Variants in ALG3 observed in about 807,000 individuals in gnomAD.
The protein encoded by ALG3 is dol-P-Man:Man(5)GlcNAc(2)-PP-Dol alpha-1,3-mannosyltransferase.
In ALG3, 39 loss-of-function variants were observed where a neutral mutation model predicts 50.5. That is an observed-to-expected ratio of 0.77 (90% CI 0.60 to 1.01). The LOEUF is 1.01. ALG3 is among the 50% of genes least tolerant of loss of function. The pLI, the probability that ALG3 is intolerant of heterozygous loss-of-function variation, is 0.00. For synonymous variants in ALG3, 252 were observed against 237.2 expected, an observed-to-expected ratio of 1.06 and a Z score of -0.58; for missense variants, 520 against 554.8, an observed-to-expected ratio of 0.94 and a Z score of 0.63.
At chr3:184,245,141 T>C in intron 4 of ALG3, 57 bp downstream of exon 4, 1 of 1,601,362 alleles carries the variant, frequency 6.2e-7, no homozygotes, top group Non-Finnish European at 8.5e-7. Flanking sequence ...TGCAGGAAAT[T>C]GGGAAGAGAT....
upstream of ALG3, chr3:184,249,055 C>A (rs966039108): frequency 6.7e-7 from 1 of 1,501,522 alleles, no homozygotes; most frequent in African/African-American, 1.4e-5. Context: ...ATCCGAGTAG[C>A]CAGTCTTCAT....
chr3:184,248,686 G>A, intron 1 of ALG3, 59 bp downstream of exon 1: 1 of 1,460,658 alleles, frequency 6.8e-7, no homozygotes, highest in Non-Finnish European at 9.2e-7. Flanking sequence ...CTGAGATCCA[G>A]TTTGGGTCGC....
At chr3:184,243,652 A>G (rs1186947426) in intron 6 of ALG3, 22 bp from the exon 7 acceptor site, 2 of 1,613,460 alleles carry the variant, frequency 1.2e-6, no homozygotes, top group South Asian at 1.1e-5. Flanking sequence ...CCATTCAGAC[A>G]GTTATCAAGC....
rs746880853 is a variant in ALG3, at chr3:184,245,577, T to C, written c.335A>G (p.Tyr112Cys). ...GTCAGTGCCTCGGCTGGTGGCATAG[T>C]ACAACCCCATAAAGATGTACACGAA... is the stretch of plus-strand genomic sequence containing the variant. ...AGFVYIFMGL[Y>C]YATSRGTDIR... The change falls in exon 3 of 9, where the codon TAC (tyrosine) becomes TGC (cysteine). Residue 112 changes from tyrosine to cysteine, a missense_variant. By Grantham distance (194) the Tyr-to-Cys change is radical (BLOSUM62 -2). Around this residue, in one of 3 missense-constraint regions of ALG3, gnomAD observed 290 missense variants for 265.9 expected, o/e 1.09. Transcript: ENST00000397676. 2 of 1,613,690 alleles carry C rather than the reference T, an allele frequency of 1.2e-6. No homozygotes were observed. The highest frequency in any genetic ancestry group is 2.2e-5 in the South Asian group (2 of 91,024).
At position 184,245,467 on chromosome 3, in the gene ALG3, C is replaced by A. The variant is rs748878963; in HGVS notation, c.444+1G>T. ...CTCTAGCCCTGGTAGCATGGACTCA[C>A]CTTGCAGGTCTGGTGATAGATCAAG... On this transcript the variant is annotated splice_donor_variant, in intron 3 of 8. Transcript: ENST00000397676. LOFTEE classifies it high-confidence loss of function. The A allele has an allele frequency of 1.3e-5, 21 of 1,613,916 alleles. 1 individual carries two copies. The Middle Eastern group carries it at 4.9e-4, about 38-fold the overall frequency.
intron 3 of ALG3, 36 bp downstream of exon 3, chr3:184,245,432 G>T: frequency 6.2e-7 from 1 of 1,613,394 alleles, no homozygotes; most frequent in Non-Finnish European, 8.5e-7. Flanking sequence ...AGCCCTCCCA[G>T]GCTGGGGCCC....
At chr3:184,246,680 C>CTT (rs34546476) in intron 1 of ALG3, among the ~76,000 whole-genome samples, 14 of 131,310 alleles carry the variant, frequency 1.1e-4, no homozygotes, top group Non-Finnish European at 1.1e-4. Context: ...AGGCTGTCTT[C>CTT]TTTTTTTTTT....
At chr3:184,249,040 C>T (rs559521804), upstream of ALG3, 88 of 1,526,814 alleles carry the variant, frequency 5.8e-5, no homozygotes, top group East Asian at 1.7e-3. Flanking sequence ...CCAGGCTAAG[C>T]GCCGATCCGA....
At chr3:184,244,304 G>A in intron 5 of ALG3, 1 of 528,570 alleles carries the variant, frequency 1.9e-6, no homozygotes, top group Non-Finnish European at 3.3e-6. Flanking sequence ...AGCGCTTTGG[G>A]AGGCCAAGGC....
chr3:184,244,961 T>A (rs1276521066), intron 4 of ALG3: 2 of 747,750 alleles, frequency 2.7e-6, no homozygotes, highest in Admixed American at 2.3e-5. Context: ...ATTTAGAATG[T>A]GAAGGACTAA....
rs1277489434 is a variant in ALG3, at chr3:184,245,780, C to T, written c.229G>A (p.Glu77Lys). Reference protein sequence around the residue: ...TEIDWKAYMAEVEGVINGTYD... With the variant: ...TEIDWKAYMAKVEGVINGTYD... Reference sequence around the variant, plus strand: ...GTACCATTGATGACGCCTTCTACCTCGGCCATGTAGGCCTTCCAGTCAATC... The same window carrying T: ...GTACCATTGATGACGCCTTCTACCTTGGCCATGTAGGCCTTCCAGTCAATC... The change falls in exon 2 of 9, where the codon GAG becomes AAG. Residue 77 changes from glutamate to lysine, a missense_variant. Glu to Lys is a moderately conservative substitution (Grantham distance 56). Around this residue, in one of 3 missense-constraint regions of ALG3, gnomAD observed 290 missense variants for 265.9 expected, o/e 1.09. Transcript: ENST00000397676. 7 of 1,613,734 alleles carry T rather than the reference C, an allele frequency of 4.3e-6. No homozygotes were observed. Among genetic ancestry groups the T allele is most frequent in the East Asian group, 2.2e-5 (1 of 44,892 alleles).
upstream of ALG3, chr3:184,249,028 C>A: frequency 6.5e-7 from 1 of 1,536,164 alleles, no homozygotes; most frequent in South Asian, 1.2e-5. Flanking sequence ...CCTGGCGTCC[C>A]ACCAGGCTAA....
intron 4 of ALG3, 131 bp from the exon 5 acceptor site, chr3:184,244,852 G>A (rs921592171): frequency 5.5e-5 from 72 of 1,303,288 alleles, no homozygotes; most frequent in Non-Finnish European, 6.9e-5. Flanking sequence ...TCCAAGATGG[G>A]ACCTACACTC....
Position 184,242,385 on chromosome 3 carries a change from G to C in ALG3, c.*129C>G. The C allele has an allele frequency of 8.6e-7, 1 of 1,167,610 alleles. No homozygotes were observed. The highest frequency in any genetic ancestry group is 1.2e-6 in the Non-Finnish European group (1 of 800,778). The allele number at this position is 1,167,610 out of a possible 1,614,324, so 72.3% of individuals were successfully genotyped here. A position where few individuals can be genotyped will look rare whatever the true frequency, so the allele number is the denominator to read the frequency against. On this transcript the variant is annotated 3_prime_UTR_variant, in exon 9 of 9. Transcript: ENST00000397676. Reference sequence around the variant, plus strand: ...ACGTGTCCCTCACAGCCTGGACCAGGCATCGGCTGCCCCCACCTCCATGTA... The same window carrying C: ...ACGTGTCCCTCACAGCCTGGACCAGCCATCGGCTGCCCCCACCTCCATGTA...
Position 184,243,988 on chromosome 3 carries a change from C to T in ALG3, c.735G>A (p.Leu245=). ...LGICAGLQVV[L]GLPFLLENPS... ...GGTTCTCCAGCAGGAAGGGCAGCCC[C>T]AGCACCACCTGAGGATTGGTGTGAT... is the stretch of plus-strand genomic sequence containing the variant. Residue 245 remains leucine (L), a synonymous_variant, in exon 6 of 9, where the codon CTG becomes CTA. Transcript: ENST00000397676. 1 of 1,612,954 alleles carries T rather than the reference C, an allele frequency of 6.2e-7. No individual in the cohort carries two copies. Among genetic ancestry groups the T allele is most frequent in the South Asian group, 1.1e-5 (1 of 91,040 alleles).
At chr3:184,245,063 A>T in intron 4 of ALG3, 135 bp downstream of exon 4, 1 of 1,206,138 alleles carries the variant, frequency 8.3e-7, no homozygotes, top group Non-Finnish European at 1.2e-6. Flanking sequence ...CTTTCTATAG[A>T]TCCTGGACTC....
intron 5 of ALG3, 68 bp from the exon 6 acceptor site, chr3:184,244,064 C>A: frequency 6.7e-7 from 1 of 1,492,210 alleles, no homozygotes. Flanking sequence ...TCATGCTACT[C>A]ATTGAGGGGT....
upstream of ALG3, chr3:184,248,973 C>G (rs1329968968): frequency 3.2e-6 from 5 of 1,548,450 alleles, no homozygotes; most frequent in African/African-American, 1.4e-5. Context: ...GGGCCCACCA[C>G]CCCCGGAAAC....
chr3:184,244,929 TGCGAATGA>T (rs1319873246), intron 4 of ALG3: 23 of 736,252 alleles, frequency 3.1e-5, no homozygotes, highest in Non-Finnish European at 5.1e-5. Context: ...GCCTACTAGA[TGCGAATGA>T]GCATATACTG....
Sources: gnomAD v4.1 joint callset for allele counts (sites outside exome capture counted in the v4.1 genomes callset) on GRCh38, gnomAD v4.1.1 for gene constraint, gnomAD v4.1.1 regional missense constraint, MANE v1.5 for transcripts, NCBI Gene and HGNC (gene_info 2026-07-23, HGNC 2026-07-21) for gene names.